The following ZDHHC1 variants were observed in gnomAD, a reference collection of about 807,000 sequenced individuals.
ZDHHC1 encodes palmitoyltransferase ZDHHC1.
ZDHHC1 carries 45 observed loss-of-function variants against 46.9 expected under a neutral mutation model. The ratio of observed to expected loss-of-function variants is 0.96; its 90% CI spans 0.76 to 1.23. The LOEUF (loss-of-function observed/expected upper bound fraction) is 1.23, where lower values mean the gene tolerates loss of function less well. ZDHHC1 is among the 50% of genes most tolerant of loss of function. The pLI, the probability that ZDHHC1 is intolerant of heterozygous loss-of-function variation, is 0.00. For synonymous variants in ZDHHC1, 291 were observed against 286.0 expected (o/e 1.02, Z -0.18); for missense variants, 649 against 670.8 (o/e 0.97, Z 0.36).
rs1209507816 is a variant in ZDHHC1 at position 67,406,909 on chromosome 16, G to T, written c.10-467C>A. On this transcript the variant is annotated intron_variant, in intron 2 of 11. Coordinates refer to ENST00000565726, the MANE Select transcript of ZDHHC1 (RefSeq NM_001323627.2). The surrounding 1 kb of genome is among the most constrained non-coding windows in gnomAD (Gnocchi z 4.1). ...TCCTTTGCTCAGGGAAACGGGGAAT[G>T]GGGTGCCCAGAAGGAGGATCTGCCC... is the stretch of plus-strand genomic sequence containing the variant. Among the ~76,000 whole-genome samples, 16 of 152,180 alleles carry T rather than the reference G, an allele frequency of 1.1e-4. No homozygotes were observed.
chr16:67,415,500 T>C (rs2142270495), intron 1 of ZDHHC1, among the ~76,000 whole-genome samples: 1 of 152,130 alleles, frequency 6.6e-6, no homozygotes, highest in South Asian at 2.1e-4. Flanking sequence ...CTCACACCTG[T>C]AATCCCAACG....
In ZDHHC1 at chr16:67,394,526, G is replaced by A. The variant is rs2040376495; in HGVS notation, c.*84C>T. ...CCCGCCGGCCGTAGGGGCCCCTAAA[G>A]TGCACTCGGTGCGGCAAGGATGGGG... On this transcript the variant is annotated 3_prime_UTR_variant, in exon 12 of 12. Coordinates refer to ENST00000565726, the MANE Select transcript of ZDHHC1 (RefSeq NM_001323627.2). 4 of 1,107,686 alleles carry A rather than the reference G, an allele frequency of 3.6e-6. No homozygotes were observed. The highest frequency in any genetic ancestry group is 3.3e-6 in the Non-Finnish European group (3 of 906,480). 68.6% of individuals were successfully genotyped at this position (1,107,686 alleles called of 1,614,324 possible).
intron 3 of ZDHHC1, chr16:67,404,842 G>T (rs1466870590): frequency 3.3e-5 from 13 of 398,492 alleles, no homozygotes; most frequent in Non-Finnish European, 2.1e-5. Flanking sequence ...ACTGCCTTCT[G>T]TTTATCATGA....
chr16:67,411,337 G>A lies in ZDHHC1; in HGVS notation c.-38-3524C>T, dbSNP rs139478815. 2.8e-3 allele frequency among the ~76,000 whole-genome samples: 423 copies of A among 152,292 alleles called. 2 individuals carry two copies. The highest frequency in any genetic ancestry group is 9.7e-3 in the African/African-American group (405 of 41,546). ...GACGGGGTTGAAGCAGGTGCTTGGA[G>A]GGCCCTGCACTGCCAATGGGGAGAC... is the stretch of plus-strand genomic sequence containing the variant. On this transcript the variant is annotated intron_variant, in intron 1 of 11. Transcript: ENST00000565726.
At chr16:67,413,621 T>C (rs1192523624) in intron 1 of ZDHHC1, among the ~76,000 whole-genome samples, 2 of 152,124 alleles carry the variant, frequency 1.3e-5, no homozygotes, top group Admixed American at 6.5e-5. Context: ...GGGCCCTTGC[T>C]TTCTCTCTCA....
At chr16:67,399,616 T>C (rs1290081386) in intron 4 of ZDHHC1, among the ~76,000 whole-genome samples, 160 bp from the exon 5 acceptor site, 2 of 151,976 alleles carry the variant, frequency 1.3e-5, no homozygotes, top group East Asian at 3.9e-4. Flanking sequence ...CTGCAGGCGC[T>C]GCGGGGTGGG....
chr16:67,395,639 G>GC, intron 8 of ZDHHC1, 73 bp from the exon 9 acceptor site: 1 of 1,432,164 alleles, frequency 7.0e-7, no homozygotes, highest in Non-Finnish European at 9.6e-7. Flanking sequence ...CTAAGCCCAC[G>GC]CAGTCCTGCC....
chr16:67,403,458 G>A (rs2040590940), intron 3 of ZDHHC1, among the ~76,000 whole-genome samples: 1 of 152,146 alleles, frequency 6.6e-6, no homozygotes, highest in African/African-American at 2.4e-5. Flanking sequence ...GCTGCGTGTT[G>A]GGAGCAGGGA....
chr16:67,412,953 G>T (rs539954133), intron 1 of ZDHHC1, among the ~76,000 whole-genome samples: 3 of 151,710 alleles, frequency 2.0e-5, no homozygotes, highest in Admixed American at 2.0e-4. Flanking sequence ...GGTGCCCGCC[G>T]CCACGCCCGG....
At chr16:67,407,329 G>A (rs934259410) in intron 2 of ZDHHC1, among the ~76,000 whole-genome samples, 5 of 152,218 alleles carry the variant, frequency 3.3e-5, no homozygotes, top group East Asian at 3.8e-4. Flanking sequence ...GGCAGGCAGC[G>A]CCACACCTGG....
At chr16:67,405,959 T>C (rs756862435) in intron 3 of ZDHHC1, among the ~76,000 whole-genome samples, 1 of 152,186 alleles carries the variant, frequency 6.6e-6, no homozygotes, top group Non-Finnish European at 1.5e-5. Flanking sequence ...ATTCACATCT[T>C]TGTGGGGCTT....
In ZDHHC1 at chr16:67,395,184, T is replaced by C. The variant is rs575267844; in HGVS notation, c.1104+3A>G. 2.5e-6 allele frequency: 4 copies of C among 1,612,600 alleles called. No individual in the cohort carries two copies. The African/African-American group carries it at 5.3e-5, about 22-fold the overall frequency. On this transcript the variant is annotated splice_donor_region_variant and intron_variant, in intron 10 of 11. Coordinates refer to ENST00000565726, the MANE Select transcript of ZDHHC1 (RefSeq NM_001323627.2). ...ACCGGAGGCCCAGCACAGTCCCTCC[T>C]ACCTGGGGTCGGATCCGGGGAGGCA...
At chr16:67,402,456 T>G (rs987427154) in intron 3 of ZDHHC1, among the ~76,000 whole-genome samples, 3 of 152,160 alleles carry the variant, frequency 2.0e-5, no homozygotes, top group African/African-American at 7.2e-5. Flanking sequence ...CTTCAGACAC[T>G]GAATGAGGGC....
At chr16:67,405,636 G>A (rs6499128) in intron 3 of ZDHHC1, among the ~76,000 whole-genome samples, 27,038 of 152,098 alleles carry the variant, frequency 0.18, 5,746 homozygotes, top group African/African-American at 0.51. Flanking sequence ...TATTCCCAGG[G>A]GCATTCGAGG....
In ZDHHC1 at chr16:67,401,831, T is replaced by G. The variant is rs1346921932; in HGVS notation, c.253-699A>C. Among the ~76,000 whole-genome samples the G allele has an allele frequency of 1.3e-5, 2 of 152,194 alleles. No individual in the cohort carries two copies. Among genetic ancestry groups the G allele is most frequent in the East Asian group, 1.9e-4 (1 of 5,196 alleles). On this transcript the variant is annotated intron_variant, in intron 3 of 11. Coordinates refer to ENST00000565726, the MANE Select transcript of ZDHHC1 (RefSeq NM_001323627.2). The surrounding 1 kb of genome is among the most constrained non-coding windows in gnomAD (Gnocchi z 4.6). ...ACTGGGCCAAATGCAGGAGACAAGT[T>G]TGCTGACAATTTGCTACAAAGTCTG...
At chr16:67,399,591 G>A (rs2040508008) in intron 4 of ZDHHC1, 135 bp from the exon 5 acceptor site, 1 of 654,278 alleles carries the variant, frequency 1.5e-6, no homozygotes, top group Non-Finnish European at 2.4e-6. Context: ...AGGCGACGAG[G>A]AGCGCGCGCG....
intron 3 of ZDHHC1, among the ~76,000 whole-genome samples, chr16:67,404,880 A>C (rs1301655163): frequency 6.6e-6 from 1 of 152,250 alleles, no homozygotes; most frequent in East Asian, 1.9e-4. Context: ...TGTACAAGGC[A>C]TGGGGTTGTT....
In ZDHHC1 at chr16:67,407,780, G is replaced by A. The variant is rs377156449; in HGVS notation, c.-5C>T. On this transcript the variant is annotated 5_prime_UTR_variant, in exon 2 of 12. Coordinates refer to ENST00000565726, the MANE Select transcript of ZDHHC1 (RefSeq NM_001323627.2). ...CCAAAATTGTACCTTGTACATAGTAGATCCTCAGTAAATGTTTGCTGACTT... is the reference window on the plus strand; with the variant it reads ...CCAAAATTGTACCTTGTACATAGTAAATCCTCAGTAAATGTTTGCTGACTT... The A allele has an allele frequency of 1.3e-6, 1 of 780,840 alleles. No individual in the cohort carries two copies. Among genetic ancestry groups the A allele is most frequent in the South Asian group, 1.3e-5 (1 of 74,608 alleles). The allele number at this position is 780,840 out of a possible 1,614,324, so 48.4% of individuals were successfully genotyped here. A position where few individuals can be genotyped will look rare whatever the true frequency, so the allele number is the denominator to read the frequency against.
intron 4 of ZDHHC1, among the ~76,000 whole-genome samples, chr16:67,400,453 G>T (rs539194254): frequency 2.0e-5 from 3 of 152,366 alleles, no homozygotes; most frequent in African/African-American, 7.2e-5. Context: ...CTCCTCCTGG[G>T]TAGACCCCAG....
Sources: allele counts gnomAD v4.1 joint callset (sites outside exome capture counted in the v4.1 genomes callset), GRCh38; gene constraint gnomAD v4.1.1; non-coding constraint Gnocchi (gnomAD v3.1); transcripts MANE v1.5; gene names NCBI Gene and HGNC (gene_info 2026-07-23, HGNC 2026-07-21).